Variants in DCLK2 observed in about 807,000 individuals in gnomAD.
DCLK2 encodes the protein doublecortin like kinase 2, also known as serine/threonine-protein kinase DCLK2.
Under a neutral mutation model 78.4 loss-of-function variants are expected in DCLK2, and 31 were observed. That is an observed-to-expected ratio of 0.40 (90% CI 0.30 to 0.53). The LOEUF (loss-of-function observed/expected upper bound fraction) is 0.53. Ranked by LOEUF, DCLK2 falls within the 20% of genes least tolerant of loss-of-function variation. The pLI, the probability that DCLK2 is intolerant of heterozygous loss-of-function variation, is 0.61. For synonymous variants in DCLK2, 407 were observed against 374.9 expected (o/e 1.09, Z -0.99); for missense variants, 872 against 973.7 (o/e 0.90, Z 1.39).
intron 1 of DCLK2, among the ~76,000 whole-genome samples, chr4:150,097,096 C>T (rs370593779): frequency 6.6e-5 from 10 of 150,440 alleles, no homozygotes; most frequent in Non-Finnish European, 1.2e-4. Flanking sequence ...AAAGGACGTG[C>T]GAAAAATGGG....
chr4:150,101,751 G>T (rs1481951461), intron 1 of DCLK2, among the ~76,000 whole-genome samples: 2 of 152,256 alleles, frequency 1.3e-5, no homozygotes, highest in South Asian at 4.1e-4. Flanking sequence ...AAATTAAGCA[G>T]AAGGTTTCAT....
intron 1 of DCLK2, among the ~76,000 whole-genome samples, chr4:150,098,692 CTTTTTCTTTTTTTTTTT>C (rs1730645764): frequency 8.8e-6 from 1 of 114,188 alleles, no homozygotes; most frequent in Non-Finnish European, 1.9e-5. Context: ...GGGGTTTTTT[CTTTTTCTTTTTTTTTTT>C]TTTTTGGCAG....
At chr4:150,091,768 TATG>T (rs992702499) in intron 1 of DCLK2, among the ~76,000 whole-genome samples, 38 of 42,546 alleles carry the variant, frequency 8.9e-4, no homozygotes, top group African/African-American at 2.9e-3. Context: ...AAGGAACATT[TATG>T]TGTGTGTGTG....
chr4:150,140,932 C>G (rs1734064982), intron 2 of DCLK2, among the ~76,000 whole-genome samples: 1 of 152,158 alleles, frequency 6.6e-6, no homozygotes, highest in Non-Finnish European at 1.5e-5. Flanking sequence ...TGTTTTCCTA[C>G]AAAACAGTCT....
chr4:150,239,558 A>G (rs1742751856), intron 10 of DCLK2, among the ~76,000 whole-genome samples, 184 bp from the exon 11 acceptor site: 1 of 152,122 alleles, frequency 6.6e-6, no homozygotes, highest in Admixed American at 6.6e-5. Flanking sequence ...CTGTGGTCAC[A>G]CCACCGCACT....
chr4:150,157,657 C>G (rs1310665344), intron 2 of DCLK2, among the ~76,000 whole-genome samples: 2 of 152,014 alleles, frequency 1.3e-5, no homozygotes, highest in Admixed American at 6.6e-5. Flanking sequence ...GGCTTATAGG[C>G]ATGTACCACC....
rs546930923 is a variant in DCLK2 at position 150,173,927 on chromosome 4, G to A, written c.757-19211G>A. On this transcript the variant is annotated intron_variant, in intron 2 of 15. Transcript: ENST00000296550. ...GACAACGATTTTGATGATTTAAGAGGGAAGGATTGCTGAACTCCTATGAAG... is the reference window on the plus strand; with the variant it reads ...GACAACGATTTTGATGATTTAAGAGAGAAGGATTGCTGAACTCCTATGAAG... Among the ~76,000 whole-genome samples the A allele has an allele frequency of 1.8e-3, 273 of 152,222 alleles. 3 individuals carry two copies. The highest frequency in any genetic ancestry group is 6.2e-3 in the African/African-American group (259 of 41,530).
At chr4:150,230,536 C>G (rs578154101) in intron 8 of DCLK2, among the ~76,000 whole-genome samples, 59 of 152,204 alleles carry the variant, frequency 3.9e-4, no homozygotes, top group Non-Finnish European at 7.1e-4. Context: ...ATGACAGTAG[C>G]AACTGTTGTC....
chr4:150,238,572 A>G (rs944074383), intron 10 of DCLK2, among the ~76,000 whole-genome samples: 1 of 152,200 alleles, frequency 6.6e-6, no homozygotes, highest in Non-Finnish European at 1.5e-5. Flanking sequence ...ACCTTTTCCA[A>G]TGTGATAATT....
intron 8 of DCLK2, among the ~76,000 whole-genome samples, chr4:150,230,249 C>G (rs181739178): frequency 1.3e-5 from 2 of 152,182 alleles, no homozygotes; most frequent in Non-Finnish European, 2.9e-5. Flanking sequence ...CAATGTATCC[C>G]AGAAGACCTT....
chr4:150,246,559 C>T (rs938618915), intron 12 of DCLK2, among the ~76,000 whole-genome samples: 43 of 152,292 alleles, frequency 2.8e-4, no homozygotes, highest in African/African-American at 9.9e-4. Flanking sequence ...ACTTAACTTG[C>T]ACTCCTGGAT....
chr4:150,197,906 C>T, intron 3 of DCLK2, 96 bp from the exon 4 acceptor site: 1 of 844,032 alleles, frequency 1.2e-6, no homozygotes. Context: ...ACCTAATTAT[C>T]AGGTAATAGT....
At chr4:150,104,395 A>T (rs1416757564) in intron 2 of DCLK2, among the ~76,000 whole-genome samples, 2 of 39,796 alleles carry the variant, frequency 5.0e-5, no homozygotes, top group South Asian at 1.1e-3. Context: ...CACATCTCCT[A>T]AAAAAAAAAA....
rs1353256687 is a variant in DCLK2, at chr4:150,175,086, A to G, written c.757-18052A>G. Among the ~76,000 whole-genome samples the G allele has an allele frequency of 5.3e-3, 200 of 37,992 alleles. 50 individuals carry two copies. Among genetic ancestry groups the G allele is most frequent in the African/African-American group, 0.021 (154 of 7,266 alleles). The allele number at this position is 37,992 out of a possible 152,430, so 24.9% of individuals were successfully genotyped here. The stretch of plus-strand genomic sequence containing the variant: ...TATTTATATATATTTATATATTTAT[A>G]TATATATTTATATATATTTATATAT... On this transcript the variant is annotated intron_variant, in intron 2 of 15. Coordinates refer to ENST00000296550, the MANE Select transcript of DCLK2 (RefSeq NM_001040260.4).
chr4:150,234,609 T>G (rs1209475423), intron 10 of DCLK2, among the ~76,000 whole-genome samples: 1 of 152,254 alleles, frequency 6.6e-6, no homozygotes, highest in Non-Finnish European at 1.5e-5. Context: ...TACCCGTCTT[T>G]TCTTTTTGGT....
At chr4:150,232,884 G>A in intron 10 of DCLK2, 56 bp downstream of exon 10, 2 of 1,576,688 alleles carry the variant, frequency 1.3e-6, no homozygotes, top group South Asian at 1.2e-5. Context: ...TTTAAAAGGA[G>A]CACATGCAAA....
intron 2 of DCLK2, among the ~76,000 whole-genome samples, chr4:150,183,441 T>G (rs1737677519): frequency 1.3e-5 from 2 of 152,228 alleles, no homozygotes; most frequent in Non-Finnish European, 2.9e-5. Context: ...TGAAAGAGCT[T>G]ATATGATGTA....
Position 150,221,976 on chromosome 4 carries a change from GTTTA to G in DCLK2, c.1241+216_1241+219del, listed in dbSNP as rs1301938606. ...CTTTCCTTTTGTTGTTTGTTTGTTTGTTTATTTATTTATTTATTTATTTATTTAA... is the reference window on the plus strand; with the variant it reads ...CTTTCCTTTTGTTGTTTGTTTGTTTGTTTATTTATTTATTTATTTATTTAA... On this transcript the variant is annotated intron_variant, in intron 7 of 15. Transcript: ENST00000296550. 5.9e-4 allele frequency among the ~76,000 whole-genome samples: 84 copies of G among 141,972 alleles called. 1 individual carries two copies. The highest frequency in any genetic ancestry group is 2.2e-3 in the East Asian group (11 of 4,976). 93.1% of individuals were successfully genotyped at this position (141,972 alleles called of 152,430 possible).
At chr4:150,108,495 G>A (rs1215588483) in intron 2 of DCLK2, among the ~76,000 whole-genome samples, 2 of 151,866 alleles carry the variant, frequency 1.3e-5, no homozygotes, top group Non-Finnish European at 2.9e-5. Flanking sequence ...AGTGAGCCGA[G>A]ATCTCGCCAC....
Sources: allele counts gnomAD v4.1 joint callset (sites outside exome capture counted in the v4.1 genomes callset), GRCh38; gene constraint gnomAD v4.1.1; transcripts MANE v1.5; gene names NCBI Gene and HGNC (gene_info 2026-07-23, HGNC 2026-07-21).